BARHL1: variants seen among roughly 807,000 people sequenced by gnomAD.
The protein encoded by BARHL1 is BarH like homeobox 1, also known as barH-like 1 homeobox protein.
In BARHL1, 2 loss-of-function variants were observed where a neutral mutation model predicts 20.1. That is an observed-to-expected ratio of 0.10 (90% CI 0.04 to 0.31). BARHL1 has a LOEUF of 0.31. Ranked by LOEUF, BARHL1 falls within the 10% of genes least tolerant of loss-of-function variation. The pLI, the probability that BARHL1 is intolerant of heterozygous loss-of-function variation, is 1.00. For synonymous variants in BARHL1, 213 were observed against 209.9 expected (o/e 1.01, Z -0.13); for missense variants, 397 against 454.0 (o/e 0.87, Z 1.14).
Position 132,582,911 on chromosome 9 carries a change from G to C in BARHL1, c.114G>C (p.Leu38=). Residue 38 remains leucine (L), a synonymous_variant, in exon 1 of 3, where the codon CTG becomes CTC. Transcript: ENST00000263610. ...LLGDCRSPLE[L]SPRSESSSDC... is the part of the protein sequence containing the mutation. The stretch of plus-strand genomic sequence containing the variant: ...GGGACTGCCGTTCGCCCCTGGAGCT[G>C]AGTCCACGCTCAGAGAGCAGCAGCG... 1 of 1,613,544 alleles carries C rather than the reference G, an allele frequency of 6.2e-7. No individual in the cohort carries two copies.
At chr9:132,589,190 GC>G in intron 2 of BARHL1, 37 bp from the exon 3 acceptor site, 1 of 1,580,756 alleles carries the variant, frequency 6.3e-7, no homozygotes, top group East Asian at 2.3e-5. Flanking sequence ...GGATGCCCTA[GC>G]CCTGATCCCG....
chr9:132,588,763 AGAG>A (rs1160377767), intron 2 of BARHL1, among the ~76,000 whole-genome samples: 1 of 151,326 alleles, frequency 6.6e-6, no homozygotes, highest in Non-Finnish European at 1.5e-5. Flanking sequence ...GCCAGCCTGC[AGAG>A]GAATCAATCG....
chr9:132,582,916 C>T lies in BARHL1; in HGVS notation c.119C>T (p.Pro40Leu). The T allele has an allele frequency of 1.2e-6, 2 of 1,613,560 alleles. No homozygotes were observed. The highest frequency in any genetic ancestry group is 1.1e-5 in the South Asian group (1 of 91,074). ...GDCRSPLELSPRSESSSDCSS... is the reference protein window; with the variant it reads ...GDCRSPLELSLRSESSSDCSS... ...TGCCGTTCGCCCCTGGAGCTGAGTC[C>T]ACGCTCAGAGAGCAGCAGCGACTGC... Residue 40 changes from proline to leucine, a missense_variant, in exon 1 of 3, where the codon CCA becomes CTA. Physicochemically the swap from Pro to Leu is moderately conservative, Grantham distance 98. This residue lies in a region of BARHL1 where 272 missense variants were observed against 298.7 expected (regional missense o/e 0.91). Coordinates refer to ENST00000263610, the MANE Select transcript of BARHL1 (RefSeq NM_020064.4).
intron 2 of BARHL1, among the ~76,000 whole-genome samples, chr9:132,588,527 C>G (rs920283944): frequency 6.6e-6 from 1 of 152,160 alleles, no homozygotes; most frequent in African/African-American, 2.4e-5. Flanking sequence ...TCCGCCTAGC[C>G]TCACCTGCAG....
Position 132,587,567 on chromosome 9 carries a change from G to A in BARHL1, c.689+16G>A, listed in dbSNP as rs751576140. ...AGAACCGCAGGTGAGGCCTGGCTGC[G>A]GGGGTAGAGGCAGAAAGGGAACTTC... On this transcript the variant is annotated intron_variant, in intron 2 of 2. Transcript: ENST00000263610. This position sits in a 1 kb window ranked among gnomAD's most constrained non-coding sequence, Gnocchi z 5.5. The A allele has an allele frequency of 2.4e-5, 39 of 1,594,242 alleles. 1 individual carries two copies. In the South Asian group the frequency reaches 2.8e-4, roughly 12 times the overall value.
Position 132,589,457 on chromosome 9 carries a change from A to G in BARHL1, c.919A>G (p.Ser307Gly). 6.6e-7 allele frequency: 1 copy of G among 1,518,920 alleles called. No homozygotes were observed. 94.1% of individuals were successfully genotyped at this position (1,518,920 alleles called of 1,614,324 possible). A position where few individuals can be genotyped will look rare whatever the true frequency, so the allele number is the denominator to read the frequency against. ...RILIHGLQGA[S>G]EPPPPLPPLA... ...CCTCATCCACGGACTCCAGGGCGCC[A>G]GCGAGCCGCCCCCGCCGCTGCCCCC... The change falls in exon 3 of 3, where the codon AGC becomes GGC. Residue 307 changes from serine (S) to glycine (G), a missense_variant. Physicochemically the swap from Ser to Gly is moderately conservative, Grantham distance 56. This residue lies in a region of BARHL1 where 121 missense variants were observed against 135.9 expected (regional missense o/e 0.89). Coordinates refer to ENST00000263610, the MANE Select transcript of BARHL1 (RefSeq NM_020064.4).
rs1166436709 is a variant in BARHL1, at chr9:132,582,784, G to T, written c.-14G>T. ...GGTGGGGAGCTTTTGGGGAGGACAG[G>T]TCGCAGCTTGGCTATGGAAGGCTCC... is the stretch of plus-strand genomic sequence containing the variant. On this transcript the variant is annotated 5_prime_UTR_variant, in exon 1 of 3. Coordinates refer to ENST00000263610, the MANE Select transcript of BARHL1 (RefSeq NM_020064.4). 6.4e-7 allele frequency: 1 copy of T among 1,564,716 alleles called. No homozygotes were observed.
At chr9:132,586,437 A>G (rs1317642594) in intron 1 of BARHL1, among the ~76,000 whole-genome samples, 2 of 152,244 alleles carry the variant, frequency 1.3e-5, no homozygotes, top group Non-Finnish European at 2.9e-5. Flanking sequence ...GTGCAGTCAA[A>G]GCCGAACGAA....
chr9:132,582,970 G>A lies in BARHL1; in HGVS notation c.173G>A (p.Cys58Tyr), dbSNP rs1273586640. 1 of 1,613,916 alleles carries A rather than the reference G, an allele frequency of 6.2e-7. No individual in the cohort carries two copies. The highest frequency in any genetic ancestry group is 8.5e-7 in the Non-Finnish European group (1 of 1,179,950). ...CSSPASPGRD[C>Y]LETGTPRPGG... is the part of the protein sequence containing the mutation. The stretch of plus-strand genomic sequence containing the variant: ...TCGCCAGCCTCTCCAGGAAGGGACT[G>A]TTTGGAGACGGGGACCCCACGGCCT... The change falls in exon 1 of 3, where the codon TGT (cysteine) becomes TAT (tyrosine). Residue 58 changes from cysteine to tyrosine, a missense_variant. Coordinates refer to ENST00000263610, the MANE Select transcript of BARHL1 (RefSeq NM_020064.4).
chr9:132,589,311 C>T lies in BARHL1; in HGVS notation c.773C>T (p.Pro258Leu). 1 of 1,613,546 alleles carries T rather than the reference C, an allele frequency of 6.2e-7. No individual in the cohort carries two copies. Among genetic ancestry groups the T allele is most frequent in the Non-Finnish European group, 8.5e-7 (1 of 1,180,000 alleles). The stretch of plus-strand genomic sequence containing the variant: ...TACTCAGCGCTCCAGCGGATGTTCC[C>T]GTCGCCTTATTTCTACCCGCAGAGT... The part of the protein sequence containing the change: ...GNYSALQRMF[P>L]SPYFYPQSLV... The change falls in exon 3 of 3, where the codon CCG becomes CTG. Residue 258 changes from proline to leucine, a missense_variant. Pro to Leu is a moderately conservative substitution (Grantham distance 98). This residue lies in a region of BARHL1 where 121 missense variants were observed against 135.9 expected (regional missense o/e 0.89). Coordinates refer to ENST00000263610, the MANE Select transcript of BARHL1 (RefSeq NM_020064.4).
At chr9:132,586,577 C>A (rs1300502921) in intron 1 of BARHL1, among the ~76,000 whole-genome samples, 1 of 152,254 alleles carries the variant, frequency 6.6e-6, no homozygotes, top group Non-Finnish European at 1.5e-5. Context: ...CAGGAGCCAT[C>A]GTTAGCGGGC....
Position 132,589,399 on chromosome 9 carries a change from G to A in BARHL1, c.861G>A (p.Pro287=). The A allele has an allele frequency of 6.2e-7, 1 of 1,612,462 alleles. No individual in the cohort carries two copies. Among genetic ancestry groups the A allele is most frequent in the Non-Finnish European group, 8.5e-7 (1 of 1,179,692 alleles). ...LYLYRGPSAP[P]PALQRPLVPR... ...TGTACCGCGGCCCCAGCGCGCCGCC[G>A]CCTGCTCTCCAGAGACCTCTGGTGC... Residue 287 remains proline (P), a synonymous_variant, in exon 3 of 3, where the codon CCG becomes CCA. Coordinates refer to ENST00000263610, the MANE Select transcript of BARHL1 (RefSeq NM_020064.4).
intron 2 of BARHL1, 30 bp from the exon 3 acceptor site, chr9:132,589,198 C>T: frequency 3.1e-6 from 5 of 1,587,896 alleles, no homozygotes; most frequent in Non-Finnish European, 4.3e-6. Context: ...TAGCCCTGAT[C>T]CCGCCATACG....
Position 132,587,675 on chromosome 9 carries a change from A to T in BARHL1, c.689+124A>T. ...GGCCCCAGAGCCTCCCCCATTCTGT[A>T]AAAGTGGGAAACTGAGTCCCTAAGG... On this transcript the variant is annotated intron_variant, in intron 2 of 2. Coordinates refer to ENST00000263610, the MANE Select transcript of BARHL1 (RefSeq NM_020064.4). This position sits in a 1 kb window ranked among gnomAD's most constrained non-coding sequence, Gnocchi z 5.5. The T allele has an allele frequency of 1.1e-6, 1 of 939,742 alleles. No homozygotes were observed. Among genetic ancestry groups the T allele is most frequent in the African/African-American group, 1.7e-5 (1 of 60,118 alleles). 58.2% of individuals were successfully genotyped at this position (939,742 alleles called of 1,614,324 possible). A position where few individuals can be genotyped will look rare whatever the true frequency, so the allele number is the denominator to read the frequency against.
rs1468927898 is a variant in BARHL1 at position 132,582,932 on chromosome 9, C to A, written c.135C>A (p.Ser45Arg). The change falls in exon 1 of 3, where the codon AGC (serine) becomes AGA (arginine). Residue 45 changes from serine to arginine, a missense_variant. This residue lies in a region of BARHL1 where 272 missense variants were observed against 298.7 expected (regional missense o/e 0.91). Coordinates refer to ENST00000263610, the MANE Select transcript of BARHL1 (RefSeq NM_020064.4). ...PLELSPRSES[S>R]SDCSSPASPG... ...AGCTGAGTCCACGCTCAGAGAGCAG[C>A]AGCGACTGCTCTTCGCCAGCCTCTC... 1 of 1,613,362 alleles carries A rather than the reference C, an allele frequency of 6.2e-7. No individual in the cohort carries two copies. The highest frequency in any genetic ancestry group is 1.3e-5 in the African/African-American group (1 of 74,940).
intron 1 of BARHL1, among the ~76,000 whole-genome samples, chr9:132,583,952 G>A (rs1032396547): frequency 6.6e-6 from 1 of 152,142 alleles, no homozygotes; most frequent in African/African-American, 2.4e-5. Context: ...AACCAACTCC[G>A]GGTTTTATGC....
chr9:132,589,125 C>T (rs1452840364), intron 2 of BARHL1, 103 bp from the exon 3 acceptor site: 2 of 1,497,532 alleles, frequency 1.3e-6, no homozygotes, highest in African/African-American at 1.4e-5. Flanking sequence ...TACGATCCCT[C>T]TTGGCCTCCC....
chr9:132,589,670 C>T lies in BARHL1; in HGVS notation c.*148C>T, dbSNP rs1005480780. 4.3e-5 allele frequency: 48 copies of T among 1,106,346 alleles called. No individual in the cohort carries two copies. Among genetic ancestry groups the T allele is most frequent in the Non-Finnish European group, 5.1e-5 (45 of 880,782 alleles). The allele number at this position is 1,106,346 out of a possible 1,614,324, so 68.5% of individuals were successfully genotyped here. ...CCCCAGCCCAGTGCCCCCCGAAGGG[C>T]CAAATGCCAAGTCCACTGAGGCCCG... On this transcript the variant is annotated 3_prime_UTR_variant, in exon 3 of 3. Transcript: ENST00000263610.
At chr9:132,588,555 G>A (rs1830171823) in intron 2 of BARHL1, among the ~76,000 whole-genome samples, 1 of 152,042 alleles carries the variant, frequency 6.6e-6, no homozygotes, top group African/African-American at 2.4e-5. Context: ...TAGGGTCCAG[G>A]CCTGACTTCT....
Sources: allele counts gnomAD v4.1 joint callset (sites outside exome capture counted in the v4.1 genomes callset), GRCh38; gene constraint gnomAD v4.1.1; regional missense constraint gnomAD v4.1.1; non-coding constraint Gnocchi (gnomAD v3.1); transcripts MANE v1.5; gene names NCBI Gene and HGNC (gene_info 2026-07-23, HGNC 2026-07-21).